MRC1: variants seen among roughly 807,000 people sequenced by gnomAD.
The protein encoded by MRC1 is macrophage mannose receptor 1.
MRC1 carries 62 observed loss-of-function variants against 102.9 expected under a neutral mutation model. The observed-to-expected ratio is 0.60, with a 90% CI of 0.49 to 0.74. The LOEUF is 0.74. MRC1 is among the 30% of genes least tolerant of loss of function. The pLI is 0.00. For missense variants in MRC1, 1,237 were observed against 862.8 expected, an observed-to-expected ratio of 1.43 and a Z score of -5.43; for synonymous variants, 457 against 298.4, an observed-to-expected ratio of 1.53 and a Z score of -5.48.
chr10:17,905,455 C>T (rs1833882575), intron 26 of MRC1, among the ~76,000 whole-genome samples: 1 of 152,066 alleles, frequency 6.6e-6, no homozygotes, highest in African/African-American at 2.4e-5. Context: ...CTCATGATGT[C>T]ACCTGATGCC....
chr10:17,865,636 T>A (rs1833254884), intron 11 of MRC1, among the ~76,000 whole-genome samples: 1 of 152,198 alleles, frequency 6.6e-6, no homozygotes, highest in Non-Finnish European at 1.5e-5. Flanking sequence ...GGCTCGGGCC[T>A]GAGCATCAGG....
At chr10:17,889,435 T>C (rs1245806983) in intron 22 of MRC1, among the ~76,000 whole-genome samples, 1 of 152,220 alleles carries the variant, frequency 6.6e-6, no homozygotes, top group African/African-American at 2.4e-5. Context: ...TTCTTTTTTC[T>C]TTTTATTACA....
intron 5 of MRC1, among the ~76,000 whole-genome samples, chr10:17,843,748 A>G (rs1399079808): frequency 1.3e-5 from 2 of 152,208 alleles, no homozygotes; most frequent in Non-Finnish European, 2.9e-5. Context: ...TAAAAAAATC[A>G]TTTAATTACC....
At chr10:17,850,814 T>C (rs993060830) in intron 7 of MRC1, among the ~76,000 whole-genome samples, 2,331 of 152,022 alleles carry the variant, frequency 0.015, 40 homozygotes, top group South Asian at 0.087. Context: ...GAGAAACAAA[T>C]AGAGTAGTAG....
intron 10 of MRC1, among the ~76,000 whole-genome samples, chr10:17,862,417 C>G (rs1333485193): frequency 6.6e-6 from 1 of 152,170 alleles, no homozygotes; most frequent in Non-Finnish European, 1.5e-5. Context: ...GTAAACTGCT[C>G]ACCTTTAAGT....
At chr10:17,882,788 T>G (rs1346422042) in intron 21 of MRC1, among the ~76,000 whole-genome samples, 1 of 152,038 alleles carries the variant, frequency 6.6e-6, no homozygotes, top group Non-Finnish European at 1.5e-5. Flanking sequence ...GAACATAACA[T>G]TCACATTTCT....
intron 24 of MRC1, among the ~76,000 whole-genome samples, chr10:17,899,546 T>G (rs905241245): frequency 6.6e-6 from 1 of 152,308 alleles, no homozygotes; most frequent in South Asian, 2.1e-4. Flanking sequence ...TAATTTGAGA[T>G]AACATACTTC....
At chr10:17,887,465 C>A (rs1452992617) in intron 22 of MRC1, among the ~76,000 whole-genome samples, 1 of 152,194 alleles carries the variant, frequency 6.6e-6, no homozygotes, top group East Asian at 1.9e-4. Flanking sequence ...TGGAGAAATT[C>A]TTTCATTCTC....
At chr10:17,877,511 G>A (rs1279843928) in intron 17 of MRC1, among the ~76,000 whole-genome samples, 2 of 150,762 alleles carry the variant, frequency 1.3e-5, no homozygotes, top group Admixed American at 1.3e-4. Context: ...ACATATAACT[G>A]ATTATTCTTT....
At chr10:17,885,515 A>G in intron 22 of MRC1, 80 bp downstream of exon 22, 1 of 752,414 alleles carries the variant, frequency 1.3e-6, no homozygotes. Context: ...CTGTTCCATG[A>G]AAGAATCTAC....
chr10:17,879,922 A>G (rs2130689470), intron 19 of MRC1, 101 bp downstream of exon 19: 3 of 774,566 alleles, frequency 3.9e-6, no homozygotes, highest in East Asian at 2.4e-5. Flanking sequence ...ATCAGACAAG[A>G]TAAGAAGAGA....
At chr10:17,897,928 A>T in intron 23 of MRC1, 106 bp from the exon 24 acceptor site, 2 of 769,590 alleles carry the variant, frequency 2.6e-6, no homozygotes, top group African/African-American at 1.7e-5. Flanking sequence ...GTTTGGAGTT[A>T]TGCTACTTTG....
chr10:17,897,620 GAGAA>G (rs1216474934), intron 23 of MRC1, among the ~76,000 whole-genome samples: 1 of 152,202 alleles, frequency 6.6e-6, no homozygotes, highest in Non-Finnish European at 1.5e-5. Context: ...GAGGGAGGAA[GAGAA>G]AGACTTTTCT....
chr10:17,894,394 C>CTTTCTTTCT (rs1554843324), intron 23 of MRC1, 82 bp downstream of exon 23: 4 of 316,830 alleles, frequency 1.3e-5, no homozygotes, highest in African/African-American at 1.1e-4. Flanking sequence ...TTCTTTCTTT[C>CTTTCTTTCT]TTTTTTTTTT....
chr10:17,866,443 A>G, intron 11 of MRC1, 119 bp from the exon 12 acceptor site: 1 of 773,300 alleles, frequency 1.3e-6, no homozygotes, highest in Non-Finnish European at 2.4e-6. Flanking sequence ...ACCCCCCTGC[A>G]TCTGAGATCA....
At chr10:17,905,483 A>G (rs1833882883) in intron 26 of MRC1, among the ~76,000 whole-genome samples, 1 of 152,124 alleles carries the variant, frequency 6.6e-6, no homozygotes, top group Non-Finnish European at 1.5e-5. Context: ...AACTTTTGTA[A>G]TTAAAAAAAT....
At chr10:17,894,098 C>A (rs1258796937) in intron 22 of MRC1, 112 bp from the exon 23 acceptor site, 3 of 767,000 alleles carry the variant, frequency 3.9e-6, no homozygotes, top group Non-Finnish European at 7.1e-6. Flanking sequence ...TTAGGACAAT[C>A]TTAAAATTTG....
intron 8 of MRC1, among the ~76,000 whole-genome samples, chr10:17,855,601 G>A (rs1833076918): frequency 7.8e-6 from 1 of 128,858 alleles, no homozygotes; most frequent in Non-Finnish European, 1.8e-5. Context: ...AAAAAAAGAG[G>A]CTGCATGCAA....
chr10:17,873,975 T>C, intron 16 of MRC1, 150 bp downstream of exon 16: 3 of 678,670 alleles, frequency 4.4e-6, no homozygotes, highest in Non-Finnish European at 8.1e-6. Flanking sequence ...ATTTGGGTCT[T>C]CCTCTCCAGA....
Sources: allele counts gnomAD v4.1 joint callset (sites outside exome capture counted in the v4.1 genomes callset), GRCh38; gene constraint gnomAD v4.1.1; transcripts MANE v1.5; gene names NCBI Gene and HGNC (gene_info 2026-07-23, HGNC 2026-07-21).